Variants in IGF2BP3 observed in about 807,000 individuals in gnomAD.
The protein encoded by IGF2BP3 is insulin-like growth factor 2 mRNA-binding protein 3.
In IGF2BP3, 9 loss-of-function variants were observed where a neutral mutation model predicts 73.8. The ratio of observed to expected loss-of-function variants is 0.12; its 90% CI spans 0.07 to 0.21. The LOEUF (loss-of-function observed/expected upper bound fraction) is 0.21. Among genes scored for constraint, IGF2BP3 ranks in the 10% least tolerant of loss-of-function variants. IGF2BP3 has a pLI of 1.00. For missense variants in IGF2BP3, 542 were observed against 714.0 expected (o/e 0.76, Z 2.75); for synonymous variants, 258 against 256.7 (o/e 1.01, Z -0.05).
chr7:23,431,936 T>C (rs1295935403), intron 2 of IGF2BP3, among the ~76,000 whole-genome samples: 1 of 152,190 alleles, frequency 6.6e-6, no homozygotes, highest in Non-Finnish European at 1.5e-5. Flanking sequence ...CTGTTGCACA[T>C]TCCACTGGTT....
At chr7:23,468,771 G>C (rs1195836863) in intron 1 of IGF2BP3, among the ~76,000 whole-genome samples, 1 of 152,194 alleles carries the variant, frequency 6.6e-6, no homozygotes, top group South Asian at 2.1e-4. Context: ...CACTACTTGG[G>C]TATCAGTCCA....
intron 2 of IGF2BP3, 83 bp downstream of exon 2, chr7:23,468,399 G>C (rs1290532830): frequency 7.1e-7 from 1 of 1,411,492 alleles, no homozygotes; most frequent in Non-Finnish European, 1.0e-6. Context: ...GTAAGCACCA[G>C]AGGACAAGAA....
intron 2 of IGF2BP3, among the ~76,000 whole-genome samples, chr7:23,430,231 G>A (rs1584035673): frequency 6.6e-6 from 1 of 152,016 alleles, no homozygotes; most frequent in Admixed American, 6.6e-5. Context: ...TTACAGGCGC[G>A]CGCCACCATG....
At chr7:23,360,775 G>A (rs1354440494) in intron 5 of IGF2BP3, among the ~76,000 whole-genome samples, 1 of 152,154 alleles carries the variant, frequency 6.6e-6, no homozygotes, top group African/African-American at 2.4e-5. Context: ...GCCTGCTCCT[G>A]CCAGTATGGT....
chr7:23,407,255 A>T (rs560419819), intron 3 of IGF2BP3, among the ~76,000 whole-genome samples: 1 of 151,626 alleles, frequency 6.6e-6, no homozygotes, highest in African/African-American at 2.4e-5. Flanking sequence ...CAAACGACCC[A>T]AGATGAAATA....
intron 11 of IGF2BP3, 129 bp from the exon 12 acceptor site, chr7:23,317,842 G>A (rs527593278): frequency 2.8e-6 from 2 of 726,660 alleles, no homozygotes; most frequent in East Asian, 5.2e-5. Flanking sequence ...AGGAAATTAG[G>A]GAGAGGCAGC....
intron 3 of IGF2BP3, among the ~76,000 whole-genome samples, chr7:23,412,026 G>A (rs181783358): frequency 2.6e-5 from 3 of 116,432 alleles, no homozygotes; most frequent in East Asian, 2.8e-4. Flanking sequence ...CTCGCCTGCC[G>A]CCCAGGAGTA....
intron 3 of IGF2BP3, among the ~76,000 whole-genome samples, chr7:23,386,755 T>G (rs1302932318): frequency 6.6e-6 from 1 of 151,838 alleles, no homozygotes; most frequent in South Asian, 2.1e-4. Flanking sequence ...CAAATACTAT[T>G]TCATCCAGGT....
chr7:23,394,786 T>A (rs569730521), intron 3 of IGF2BP3: 5 of 152,176 alleles, frequency 3.3e-5, no homozygotes, highest in Non-Finnish European at 7.4e-5. Context: ...AACAAAGCTG[T>A]GACAAAAGAA....
At chr7:23,425,799 G>C (rs1359986687) in intron 2 of IGF2BP3, among the ~76,000 whole-genome samples, 1 of 151,834 alleles carries the variant, frequency 6.6e-6, no homozygotes, top group Non-Finnish European at 1.5e-5. Flanking sequence ...ACAGTTATCT[G>C]CTAAAACTGA....
chr7:23,313,167 T>A (rs1348971413), intron 13 of IGF2BP3, among the ~76,000 whole-genome samples: 1 of 152,224 alleles, frequency 6.6e-6, no homozygotes, highest in Admixed American at 6.5e-5. Context: ...TATTAGAGAC[T>A]AGAAACAGTT....
chr7:23,391,210 G>A (rs1217286344), intron 3 of IGF2BP3, among the ~76,000 whole-genome samples: 1 of 144,826 alleles, frequency 6.9e-6, no homozygotes, highest in Non-Finnish European at 1.5e-5. Context: ...AGCGATTCTT[G>A]TGCCTCAGCC....
intron 12 of IGF2BP3, among the ~76,000 whole-genome samples, chr7:23,316,804 A>G (rs1297925570): frequency 6.6e-6 from 1 of 152,118 alleles, no homozygotes; most frequent in African/African-American, 2.4e-5. Flanking sequence ...ATCATACACT[A>G]AAAGGAATAT....
intron 3 of IGF2BP3, among the ~76,000 whole-genome samples, chr7:23,384,981 GA>G (rs1786037071): frequency 6.6e-6 from 1 of 152,098 alleles, no homozygotes; most frequent in Non-Finnish European, 1.5e-5. Context: ...CTTATAATGG[GA>G]TTATCAGGAC....
In IGF2BP3 at chr7:23,454,120, G is replaced by C. The variant is rs75492053; in HGVS notation, c.236+14362C>G. 1.5e-3 allele frequency among the ~76,000 whole-genome samples: 231 copies of C among 152,164 alleles called. 1 individual carries two copies. Among genetic ancestry groups the C allele is most frequent in the African/African-American group, 5.4e-3 (226 of 41,512 alleles). On this transcript the variant is annotated intron_variant, in intron 2 of 14. Coordinates refer to ENST00000258729, the MANE Select transcript of IGF2BP3 (RefSeq NM_006547.3). ...TGAACCACCGTGCCCAGCCTAGATT[G>C]GATATCTTTTTGTACACAGACTGAC...
intron 2 of IGF2BP3, among the ~76,000 whole-genome samples, chr7:23,449,344 C>A (rs568981725): frequency 1.3e-5 from 2 of 151,586 alleles, no homozygotes; most frequent in African/African-American, 2.4e-5. Context: ...GGTGAAACCC[C>A]GTCTCTACTA....
At chr7:23,353,912 T>C (rs905472122) in intron 5 of IGF2BP3, among the ~76,000 whole-genome samples, 8 of 152,248 alleles carry the variant, frequency 5.3e-5, no homozygotes, top group Non-Finnish European at 8.8e-5. Flanking sequence ...TGATATATTT[T>C]AATATTTATG....
In IGF2BP3 at chr7:23,469,880, G is replaced by C; in HGVS notation, c.175+56C>G. The C allele has an allele frequency of 3.1e-6, 4 of 1,276,010 alleles. No individual in the cohort carries two copies. Among genetic ancestry groups the C allele is most frequent in the Non-Finnish European group, 4.0e-6 (4 of 991,956 alleles). The allele number at this position is 1,276,010 out of a possible 1,614,324, so 79.0% of individuals were successfully genotyped here. A position where few individuals can be genotyped will look rare whatever the true frequency, so the allele number is the denominator to read the frequency against. On this transcript the variant is annotated intron_variant, in intron 1 of 14. Transcript: ENST00000258729. This position sits in a 1 kb window ranked among gnomAD's most constrained non-coding sequence, Gnocchi z 6.1. ...GCCCGCGGAGCCACCCGGTGGGCCT[G>C]GGCGGGCGGTGCAGGGCTGGGGCGA...
intron 2 of IGF2BP3, among the ~76,000 whole-genome samples, chr7:23,456,783 C>G (rs1305325062): frequency 1.3e-5 from 2 of 152,230 alleles, no homozygotes; most frequent in Admixed American, 1.3e-4. Context: ...GGCGCAGTGG[C>G]TCACGCCCGT....
Sources: gnomAD v4.1 joint callset for allele counts (sites outside exome capture counted in the v4.1 genomes callset) on GRCh38, gnomAD v4.1.1 for gene constraint, Gnocchi (gnomAD v3.1) non-coding constraint, MANE v1.5 for transcripts, NCBI Gene and HGNC (gene_info 2026-07-23, HGNC 2026-07-21) for gene names.